The following LHFPL3 variants were observed in gnomAD, a reference collection of about 807,000 sequenced individuals.
The protein encoded by LHFPL3 is LHFPL tetraspan subfamily member 3 protein.
LHFPL3 carries 5 observed loss-of-function variants against 19.3 expected under a neutral mutation model. The observed-to-expected ratio is 0.26, with a 90% CI of 0.14 to 0.54. The LOEUF (loss-of-function observed/expected upper bound fraction) is 0.54. Ranked by LOEUF, LHFPL3 falls within the 20% of genes least tolerant of loss-of-function variation. The pLI is 0.94. For synonymous variants in LHFPL3, 133 were observed against 126.2 expected (o/e 1.05, Z -0.36); for missense variants, 249 against 307.4 (o/e 0.81, Z 1.42).
chr7:104,826,740 T>G (rs1790826967), intron 2 of LHFPL3: 1 of 157,780 alleles, frequency 6.3e-6, no homozygotes, highest in Admixed American at 6.4e-5. Flanking sequence ...ACAGCTGCCA[T>G]GGACCCATAA....
At chr7:104,680,966 AACAGC>A (rs1792683769) in intron 1 of LHFPL3, among the ~76,000 whole-genome samples, 1 of 152,236 alleles carries the variant, frequency 6.6e-6, no homozygotes, top group South Asian at 2.1e-4. Context: ...TCAAACCTAA[AACAGC>A]TTAAATTTAT....
At chr7:104,623,412 T>G (rs2115813173) in intron 1 of LHFPL3, among the ~76,000 whole-genome samples, 1 of 152,290 alleles carries the variant, frequency 6.6e-6, no homozygotes, top group South Asian at 2.1e-4. Context: ...GGTAGATTAC[T>G]TGAGGTCAGG....
At position 104,742,610 on chromosome 7, in the gene LHFPL3, G is replaced by A. The variant is rs1793955844; in HGVS notation, c.682+5699G>A. 5.9e-5 allele frequency among the ~76,000 whole-genome samples: 9 copies of A among 152,184 alleles called. No homozygotes were observed. The South Asian group carries it at 1.9e-3, about 31-fold the overall frequency. On this transcript the variant is annotated intron_variant, in intron 2 of 2. Transcript: ENST00000424859. ...TAGTCCTGTCTCTGACACCAGCTGA[G>A]GAGCCTTGGGCCAATATCTTAATAG... is the stretch of plus-strand genomic sequence containing the variant.
intron 1 of LHFPL3, among the ~76,000 whole-genome samples, chr7:104,558,950 T>C (rs1364725353): frequency 1.4e-5 from 2 of 148,142 alleles, no homozygotes; most frequent in African/African-American, 5.1e-5. Flanking sequence ...CTTTCCCCAT[T>C]GCTTGTTTTT....
intron 1 of LHFPL3, among the ~76,000 whole-genome samples, chr7:104,494,048 C>T (rs775933722): frequency 8.5e-5 from 13 of 152,096 alleles, no homozygotes; most frequent in Non-Finnish European, 1.8e-4. Context: ...TTTGTTATGA[C>T]TAGAAAATTT....
At chr7:104,410,433 T>G (rs888591591) in intron 1 of LHFPL3, among the ~76,000 whole-genome samples, 3 of 152,186 alleles carry the variant, frequency 2.0e-5, no homozygotes, top group Admixed American at 6.5e-5. Flanking sequence ...GCACCCGGCC[T>G]GTATGTCTGT....
chr7:104,437,937 A>T (rs1792143470), intron 1 of LHFPL3, among the ~76,000 whole-genome samples: 1 of 152,186 alleles, frequency 6.6e-6, no homozygotes, highest in Non-Finnish European at 1.5e-5. Context: ...GATGGAGCTA[A>T]AAGTTCTAAA....
intron 2 of LHFPL3, among the ~76,000 whole-genome samples, chr7:104,866,548 C>A (rs1343598661): frequency 6.6e-6 from 1 of 152,146 alleles, no homozygotes; most frequent in African/African-American, 2.4e-5. Flanking sequence ...TATATGCACC[C>A]AATACAGGAG....
In LHFPL3 at chr7:104,426,179, G is replaced by C. The variant is rs958940490; in HGVS notation, c.445+96955G>C. 2.6e-5 allele frequency among the ~76,000 whole-genome samples: 4 copies of C among 152,298 alleles called. No homozygotes were observed. In the East Asian group the frequency reaches 7.7e-4, roughly 29 times the overall value. On this transcript the variant is annotated intron_variant, in intron 1 of 2. Coordinates refer to ENST00000424859, the MANE Select transcript of LHFPL3 (RefSeq NM_199000.3). ...TAATTTTAACTTTCCTTGCTTGAAA[G>C]GATTGCTATTTCTTAGGTTGATAGG...
chr7:104,847,453 C>T (rs1369211988), intron 2 of LHFPL3, among the ~76,000 whole-genome samples: 2 of 152,158 alleles, frequency 1.3e-5, no homozygotes, highest in South Asian at 2.1e-4. Flanking sequence ...ACCAAATATG[C>T]AATGTCGTTT....
rs1480296301 is a variant in LHFPL3, at chr7:104,874,408, G to A, written c.683-31779G>A. Reference sequence around the variant, plus strand: ...AGGAATGCTTTTTTTTTTTTTTTTGGGGGGGGGACAGAGTCTCGTTCTGTC... The same window carrying A: ...AGGAATGCTTTTTTTTTTTTTTTTGAGGGGGGGACAGAGTCTCGTTCTGTC... On this transcript the variant is annotated intron_variant, in intron 2 of 2. Transcript: ENST00000424859. 6.1e-5 allele frequency among the ~76,000 whole-genome samples: 7 copies of A among 115,366 alleles called. No homozygotes were observed. In the South Asian group the frequency reaches 7.8e-4, roughly 13 times the overall value. The allele number at this position is 115,366 out of a possible 152,430, so 75.7% of individuals were successfully genotyped here.
At chr7:104,593,592 C>G (rs550543393) in intron 1 of LHFPL3, among the ~76,000 whole-genome samples, 1 of 152,210 alleles carries the variant, frequency 6.6e-6, no homozygotes, top group South Asian at 2.1e-4. Flanking sequence ...CCTGGATATC[C>G]TTGTTAACCT....
At chr7:104,593,260 A>T (rs887983477) in intron 1 of LHFPL3, among the ~76,000 whole-genome samples, 1 of 152,130 alleles carries the variant, frequency 6.6e-6, no homozygotes, top group African/African-American at 2.4e-5. Context: ...GTTGGTTTCA[A>T]AGAACATCTT....
intron 1 of LHFPL3, among the ~76,000 whole-genome samples, chr7:104,575,051 G>A (rs1399553776): frequency 3.9e-5 from 6 of 152,112 alleles, no homozygotes; most frequent in South Asian, 2.1e-4. Flanking sequence ...TCTAATGGAT[G>A]TAATAAATGA....
intron 2 of LHFPL3, among the ~76,000 whole-genome samples, chr7:104,784,099 A>G (rs1019763458): frequency 6.6e-6 from 1 of 152,228 alleles, no homozygotes; most frequent in Admixed American, 6.5e-5. Flanking sequence ...ATAGAGAGCT[A>G]TGACTATTTA....
intron 1 of LHFPL3, among the ~76,000 whole-genome samples, chr7:104,407,839 T>A (rs1469108435): frequency 2.0e-5 from 3 of 152,216 alleles, no homozygotes; most frequent in African/African-American, 7.2e-5. Context: ...AGACTTTCTT[T>A]CATGACAACC....
intron 2 of LHFPL3, among the ~76,000 whole-genome samples, chr7:104,750,341 A>C (rs1794139194): frequency 6.6e-6 from 1 of 152,194 alleles, no homozygotes; most frequent in African/African-American, 2.4e-5. Flanking sequence ...TGACTTGCCC[A>C]ATATGCAGCC....
intron 1 of LHFPL3, among the ~76,000 whole-genome samples, chr7:104,584,539 C>T (rs1790528426): frequency 1.3e-5 from 2 of 151,880 alleles, no homozygotes; most frequent in Admixed American, 1.3e-4. Flanking sequence ...AATTTCATAC[C>T]ATTTCCTAGA....
At chr7:104,357,162 A>G (rs982252596) in intron 1 of LHFPL3, among the ~76,000 whole-genome samples, 1 of 152,214 alleles carries the variant, frequency 6.6e-6, no homozygotes. Flanking sequence ...GATGTTGTGC[A>G]CACAGAATTC....
Sources: allele counts gnomAD v4.1 joint callset (sites outside exome capture counted in the v4.1 genomes callset), GRCh38; gene constraint gnomAD v4.1.1; transcripts MANE v1.5; gene names NCBI Gene and HGNC (gene_info 2026-07-23, HGNC 2026-07-21).